AGMO: variants seen among roughly 807,000 people sequenced by gnomAD.
The protein encoded by AGMO is glyceryl-ether monooxygenase.
AGMO carries 75 observed loss-of-function variants against 60.2 expected under a neutral mutation model. The observed-to-expected ratio is 1.25, with a 90% CI of 1.03 to 1.51. AGMO has a LOEUF of 1.51. Ranked by LOEUF, AGMO falls within the 40% of genes most tolerant of loss-of-function variation. AGMO has a pLI of 0.00. For missense variants in AGMO, 763 were observed against 525.5 expected (o/e 1.45, Z -4.42); for synonymous variants, 261 against 177.1 (o/e 1.47, Z -3.76).
intron 12 of AGMO, among the ~76,000 whole-genome samples, chr7:15,250,032 T>A (rs1001522926): frequency 1.3e-5 from 2 of 152,182 alleles, no homozygotes; most frequent in African/African-American, 2.4e-5. Context: ...AGTGATTACA[T>A]TCCACTTGTG....
At chr7:15,468,647 G>A (rs1223948365) in intron 3 of AGMO, among the ~76,000 whole-genome samples, 1 of 152,028 alleles carries the variant, frequency 6.6e-6, no homozygotes, top group Non-Finnish European at 1.5e-5. Flanking sequence ...ATAGAGATAT[G>A]TATTCGCATA....
chr7:15,279,750 G>C (rs937114945), intron 12 of AGMO, among the ~76,000 whole-genome samples: 2 of 152,154 alleles, frequency 1.3e-5, no homozygotes, highest in Admixed American at 6.5e-5. Flanking sequence ...GTAAGAGCTG[G>C]GGATAAACTG....
At chr7:15,530,694 CTACATATATTCTATATA>C in intron 3 of AGMO, among the ~76,000 whole-genome samples, 1 of 118,456 alleles carries the variant, frequency 8.4e-6, no homozygotes, top group Non-Finnish European at 1.8e-5. Context: ...ATATGTATTT[CTACATATATTCTATATA>C]TACATTTCTA....
intron 8 of AGMO, among the ~76,000 whole-genome samples, chr7:15,388,775 G>A (rs940345990): frequency 1.3e-5 from 2 of 152,266 alleles, no homozygotes; most frequent in East Asian, 3.9e-4. Context: ...AGGAATGGAA[G>A]TGAAAATAAG....
At chr7:15,267,234 G>C (rs1015267272) in intron 12 of AGMO, among the ~76,000 whole-genome samples, 7 of 149,380 alleles carry the variant, frequency 4.7e-5, no homozygotes, top group African/African-American at 1.7e-4. Flanking sequence ...AGTATTTCCA[G>C]TGATTTCTCT....
intron 3 of AGMO, among the ~76,000 whole-genome samples, chr7:15,441,332 AATTTTT>A (rs1781547833): frequency 6.6e-6 from 1 of 152,202 alleles, no homozygotes; most frequent in Non-Finnish European, 1.5e-5. Flanking sequence ...TGAATTTGAC[AATTTTT>A]ATGTTGCATG....
intron 8 of AGMO, among the ~76,000 whole-genome samples, chr7:15,388,450 T>C (rs1232826437): frequency 6.6e-6 from 1 of 152,184 alleles, no homozygotes; most frequent in Admixed American, 6.5e-5. Flanking sequence ...AAAACCAATG[T>C]GCGTAGAAGT....
At chr7:15,214,985 C>T (rs948452004) in intron 12 of AGMO, among the ~76,000 whole-genome samples, 1 of 152,000 alleles carries the variant, frequency 6.6e-6, no homozygotes, top group South Asian at 2.1e-4. Context: ...AGAGCCTATG[C>T]CAACAGAAAT....
chr7:15,354,367 T>C (rs548262188), intron 12 of AGMO, among the ~76,000 whole-genome samples: 2,338 of 64,082 alleles, frequency 0.036, 302 homozygotes, highest in East Asian at 0.13. Flanking sequence ...CGTGTGTATA[T>C]AGACGTGTGT....
the AGMO span, among the ~76,000 whole-genome samples, chr7:15,131,525 T>C: frequency 5.3e-5 from 8 of 152,186 alleles, no homozygotes; most frequent in East Asian, 1.9e-4. Context: ...CTGCCTAGAC[T>C]ATGGCACAAG....
At chr7:15,262,501 C>T (rs1400945218) in intron 12 of AGMO, among the ~76,000 whole-genome samples, 1 of 151,076 alleles carries the variant, frequency 6.6e-6, no homozygotes, top group African/African-American at 2.4e-5. Flanking sequence ...ACCCCATGCT[C>T]ACGGGTAGAA....
chr7:15,353,247 A>G (rs1483816916), intron 12 of AGMO, among the ~76,000 whole-genome samples: 1 of 152,194 alleles, frequency 6.6e-6, no homozygotes, highest in East Asian at 1.9e-4. Context: ...TCATGTAATA[A>G]TAGGACAGCC....
At chr7:15,159,468 A>C in the AGMO span, among the ~76,000 whole-genome samples, 1 of 152,178 alleles carries the variant, frequency 6.6e-6, no homozygotes, top group South Asian at 2.1e-4. Flanking sequence ...CCAGGACTGG[A>C]AAAGAACACA....
chr7:15,445,269 C>G (rs1781667494), intron 3 of AGMO, among the ~76,000 whole-genome samples: 1 of 152,030 alleles, frequency 6.6e-6, no homozygotes, highest in African/African-American at 2.4e-5. Flanking sequence ...AGATATTCTT[C>G]TATCAAAGAT....
At chr7:15,202,920 G>T (rs759469724) in intron 12 of AGMO, among the ~76,000 whole-genome samples, 3 of 152,056 alleles carry the variant, frequency 2.0e-5, no homozygotes, top group South Asian at 2.1e-4. Flanking sequence ...ATGCTGAGAG[G>T]GGCGCTGAGA....
chr7:15,224,364 G>C (rs1782014647), intron 12 of AGMO, among the ~76,000 whole-genome samples: 1 of 151,916 alleles, frequency 6.6e-6, no homozygotes, highest in Non-Finnish European at 1.5e-5. Context: ...GAAAGCTCGT[G>C]AATGGGATGA....
chr7:15,435,310 G>A (rs373286561), intron 3 of AGMO, among the ~76,000 whole-genome samples: 17 of 142,166 alleles, frequency 1.2e-4, no homozygotes, highest in African/African-American at 2.7e-4. Context: ...CAAAGTGGCT[G>A]TGCCTTTTTT....
At chr7:15,248,199 T>TAC (rs1782814973) in intron 12 of AGMO, among the ~76,000 whole-genome samples, 5 of 87,282 alleles carry the variant, frequency 5.7e-5, no homozygotes, top group Admixed American at 1.2e-4. Flanking sequence ...TATATATATA[T>TAC]ATATATATAT....
chr7:15,287,595 A>C (rs1460191438), intron 12 of AGMO, among the ~76,000 whole-genome samples: 1 of 152,202 alleles, frequency 6.6e-6, no homozygotes, highest in East Asian at 1.9e-4. Flanking sequence ...AAATATTTGT[A>C]GTATGTGTAC....
Sources: gnomAD v4.1 joint callset for allele counts (sites outside exome capture counted in the v4.1 genomes callset) on GRCh38, gnomAD v4.1.1 for gene constraint, MANE v1.5 for transcripts, NCBI Gene and HGNC (gene_info 2026-07-23, HGNC 2026-07-21) for gene names.